BLTP3B: variants seen among roughly 807,000 people sequenced by gnomAD.
The protein encoded by BLTP3B is bridge-like lipid transfer protein family member 3B.
chr12:100,044,580 A>T, the BLTP3B span, among the ~76,000 whole-genome samples: 1 of 152,188 alleles, frequency 6.6e-6, no homozygotes, highest in Admixed American at 6.5e-5. Flanking sequence ...TGGAGATGCA[A>T]ACATTAAAGG....
the BLTP3B span, among the ~76,000 whole-genome samples, chr12:100,130,471 A>T: frequency 6.6e-6 from 1 of 152,228 alleles, no homozygotes. Context: ...TTCCTTAAGT[A>T]CTGGTAGGAA....
the BLTP3B span, chr12:100,102,852 C>G: frequency 6.3e-7 from 1 of 1,589,690 alleles, no homozygotes; most frequent in Non-Finnish European, 8.6e-7. Context: ...TTACTTTATC[C>G]AGGGACTAAT....
chr12:100,126,452 G>C, the BLTP3B span, among the ~76,000 whole-genome samples: 1 of 150,388 alleles, frequency 6.6e-6, no homozygotes, highest in Non-Finnish European at 1.5e-5. Context: ...CAAGTGAGAG[G>C]AGAAAAAAAA....
chr12:100,094,809 G>A, the BLTP3B span, among the ~76,000 whole-genome samples: 2 of 152,210 alleles, frequency 1.3e-5, no homozygotes, highest in Admixed American at 6.5e-5. Flanking sequence ...GCAGTGAGCT[G>A]AGATTGTGCC....
chr12:100,054,277 G>A, the BLTP3B span, among the ~76,000 whole-genome samples: 1 of 152,046 alleles, frequency 6.6e-6, no homozygotes, highest in African/African-American at 2.4e-5. Flanking sequence ...TAAAAAGTAG[G>A]TTACAAGCCA....
At chr12:100,075,414 TGGACATAGGC>T in the BLTP3B span, among the ~76,000 whole-genome samples, 1 of 152,204 alleles carries the variant, frequency 6.6e-6, no homozygotes, top group Admixed American at 6.5e-5. Flanking sequence ...AATACCATTC[TGGACATAGGC>T]TTTAGCAAAG....
the BLTP3B span, among the ~76,000 whole-genome samples, chr12:100,064,258 A>C: frequency 1.3e-5 from 2 of 152,198 alleles, no homozygotes; most frequent in East Asian, 3.9e-4. Context: ...ATAAGAAAAC[A>C]TGAACAAAGC....
chr12:100,083,738 C>T, the BLTP3B span, among the ~76,000 whole-genome samples: 1 of 149,280 alleles, frequency 6.7e-6, no homozygotes, highest in Non-Finnish European at 1.5e-5. Flanking sequence ...TAAATACGTA[C>T]AATTATTATG....
the BLTP3B span, chr12:100,084,379 C>CG: frequency 3.3e-3 from 10 of 3,010 alleles, 1 homozygote; most frequent in African/African-American, 0.017. Context: ...ATACTATGAT[C>CG]ACACACACAC....
chr12:100,073,203 T>C, the BLTP3B span, among the ~76,000 whole-genome samples: 1 of 152,138 alleles, frequency 6.6e-6, no homozygotes, highest in African/African-American at 2.4e-5. Context: ...TTTAAAATAA[T>C]CTTTACCATA....
At chr12:100,098,951 T>TAGATAGACAGACAGAC in the BLTP3B span, among the ~76,000 whole-genome samples, 2 of 134,758 alleles carry the variant, frequency 1.5e-5, no homozygotes, top group South Asian at 2.4e-4. Flanking sequence ...GACACATAGA[T>TAGATAGACAGACAGAC]ACATAGATAC....
At chr12:100,107,740 T>C in the BLTP3B span, among the ~76,000 whole-genome samples, 12 of 152,178 alleles carry the variant, frequency 7.9e-5, no homozygotes, top group African/African-American at 2.9e-4. Flanking sequence ...CACTACTTTT[T>C]AAAAATTGTT....
At chr12:100,086,227 T>C in the BLTP3B span, 1 of 1,222,004 alleles carries the variant, frequency 8.2e-7, no homozygotes, top group Non-Finnish European at 1.1e-6. Flanking sequence ...ATTAGCTATA[T>C]AATTTGAAAA....
At chr12:100,131,951 G>A in the BLTP3B span, among the ~76,000 whole-genome samples, 57 of 152,072 alleles carry the variant, frequency 3.7e-4, no homozygotes, top group African/African-American at 1.3e-3. Context: ...CACCATGCCC[G>A]GCTAATTTTT....
the BLTP3B span, among the ~76,000 whole-genome samples, chr12:100,130,879 G>A: frequency 1.3e-5 from 2 of 151,434 alleles, no homozygotes; most frequent in East Asian, 2.0e-4. Context: ...AGCTGAGATC[G>A]CTCCATGCCT....
At chr12:100,070,761 A>C in the BLTP3B span, among the ~76,000 whole-genome samples, 1 of 152,134 alleles carries the variant, frequency 6.6e-6, no homozygotes, top group Admixed American at 6.5e-5. Context: ...TGGGAAGCCA[A>C]GGAGGTCAGA....
the BLTP3B span, among the ~76,000 whole-genome samples, chr12:100,098,008 G>A: frequency 1.3e-5 from 2 of 152,130 alleles, no homozygotes; most frequent in South Asian, 2.1e-4. Context: ...CTTGAGCCCA[G>A]GAGTATGAGA....
the BLTP3B span, among the ~76,000 whole-genome samples, chr12:100,064,496 TA>T: frequency 6.6e-6 from 1 of 152,120 alleles, no homozygotes; most frequent in South Asian, 2.1e-4. Flanking sequence ...TCAGGTTATC[TA>T]AAGTTAAGAT....
chr12:100,050,503 A>G, the BLTP3B span, among the ~76,000 whole-genome samples: 1 of 152,228 alleles, frequency 6.6e-6, no homozygotes, highest in Admixed American at 6.5e-5. Context: ...TACTTAAAAA[A>G]AAAATTAGGT....
Sources: allele counts gnomAD v4.1 joint callset (sites outside exome capture counted in the v4.1 genomes callset), GRCh38; gene constraint gnomAD v4.1.1; transcripts MANE v1.5; gene names NCBI Gene and HGNC (gene_info 2026-07-23, HGNC 2026-07-21).